CACNA1E: variants seen among roughly 807,000 people sequenced by gnomAD.
The protein encoded by CACNA1E is calcium voltage-gated channel subunit alpha1 E, also known as voltage-dependent R-type calcium channel subunit alpha-1E.
In CACNA1E, 40 loss-of-function variants were observed where a neutral mutation model predicts 259.2. That is an observed-to-expected ratio of 0.15 (90% confidence interval 0.12 to 0.20). The LOEUF (loss-of-function observed/expected upper bound fraction) is 0.20, where lower values mean the gene tolerates loss of function less well. Among genes scored for constraint, CACNA1E ranks in the 10% least tolerant of loss-of-function variants. CACNA1E has a pLI of 1.00. For missense variants in CACNA1E, 1,874 were observed against 3,040.1 expected, an observed-to-expected ratio of 0.62 and a Z score of 9.02; for synonymous variants, 1,104 against 1,138.5, an observed-to-expected ratio of 0.97 and a Z score of 0.61.
chr1:181,331,801 C>T (rs531574870), intron 1 of CACNA1E, among the ~76,000 whole-genome samples: 3 of 152,256 alleles, frequency 2.0e-5, no homozygotes, highest in African/African-American at 7.2e-5. Context: ...CTGCATGTGG[C>T]TAGCCAGTTC....
chr1:181,426,287 C>T (rs1571843302), intron 2 of CACNA1E, among the ~76,000 whole-genome samples: 1 of 151,896 alleles, frequency 6.6e-6, no homozygotes, highest in Admixed American at 6.6e-5. Flanking sequence ...AGCCACTATC[C>T]GTCTCAAGCC....
At chr1:181,710,505 T>G (rs1653240623) in intron 7 of CACNA1E, among the ~76,000 whole-genome samples, 1 of 152,140 alleles carries the variant, frequency 6.6e-6, no homozygotes, top group Non-Finnish European at 1.5e-5. Flanking sequence ...GAGGATGAAA[T>G]GAGTTAATGG....
chr1:181,773,631 G>A (rs199931), intron 37 of CACNA1E, among the ~76,000 whole-genome samples: 1 of 152,024 alleles, frequency 6.6e-6, no homozygotes, highest in African/African-American at 2.4e-5. Context: ...GCCATTGTGA[G>A]GTTCACTCTC....
At chr1:181,651,479 G>C (rs372780939) in intron 7 of CACNA1E, 38 bp downstream of exon 7, 6 of 1,413,996 alleles carry the variant, frequency 4.2e-6, no homozygotes, top group Non-Finnish European at 6.0e-6. Context: ...CTCATTTGCT[G>C]ACTGCTAACT....
intron 7 of CACNA1E, among the ~76,000 whole-genome samples, chr1:181,655,763 C>T (rs1659157612): frequency 1.3e-5 from 2 of 152,118 alleles, no homozygotes; most frequent in South Asian, 4.2e-4. Flanking sequence ...AGTAGGGTGA[C>T]AGAGGCCTCT....
intron 1 of CACNA1E, among the ~76,000 whole-genome samples, chr1:181,329,957 G>A (rs143825680): frequency 1.7e-3 from 257 of 152,322 alleles, no homozygotes; most frequent in African/African-American, 5.8e-3. Context: ...AGGGAGTGGA[G>A]GGGAGTAGGG....
At chr1:181,774,238 C>CG (rs1352656937) in intron 37 of CACNA1E, among the ~76,000 whole-genome samples, 7 of 152,230 alleles carry the variant, frequency 4.6e-5, no homozygotes, top group Non-Finnish European at 1.0e-4. Context: ...TTTTCATTGA[C>CG]ATTAATAATA....
chr1:181,526,710 A>G (rs1019575195), intron 3 of CACNA1E, among the ~76,000 whole-genome samples: 4 of 152,228 alleles, frequency 2.6e-5, no homozygotes, highest in Non-Finnish European at 4.4e-5. Flanking sequence ...CTCTGGCATG[A>G]CATAGTTCTG....
At chr1:181,767,476 C>T (rs552175544) in intron 35 of CACNA1E, among the ~76,000 whole-genome samples, 16 of 152,230 alleles carry the variant, frequency 1.1e-4, no homozygotes, top group African/African-American at 3.9e-4. Context: ...GTGACAGCCT[C>T]CTGCAGTCAG....
chr1:181,720,897 C>G lies in CACNA1E; in HGVS notation c.1956+42C>G, dbSNP rs768907568. 3 of 1,223,900 alleles carry G rather than the reference C, an allele frequency of 2.5e-6. No homozygotes were observed. The East Asian group carries it at 7.0e-5, about 29-fold the overall frequency. The allele number at this position is 1,223,900 out of a possible 1,614,324, so 75.8% of individuals were successfully genotyped here. A position where few individuals can be genotyped will look rare whatever the true frequency, so the allele number is the denominator to read the frequency against. On this transcript the variant is annotated intron_variant, in intron 15 of 47. Transcript: ENST00000367573. ...CGGTTCACAAGTGCTGCATGGGGTC[C>G]CTTGGACTGCACACTGCAAGACAAG...
intron 7 of CACNA1E, among the ~76,000 whole-genome samples, chr1:181,671,929 T>A (rs949773772): frequency 3.9e-5 from 6 of 152,202 alleles, no homozygotes; most frequent in Non-Finnish European, 7.3e-5. Flanking sequence ...TAAAGACACA[T>A]GCATGTGAAT....
At chr1:181,461,340 G>C (rs1324487086) in intron 2 of CACNA1E, among the ~76,000 whole-genome samples, 24 of 151,488 alleles carry the variant, frequency 1.6e-4, no homozygotes, top group African/African-American at 5.4e-4. Flanking sequence ...AGGAGATCGA[G>C]ACCATCCTGG....
intron 3 of CACNA1E, among the ~76,000 whole-genome samples, chr1:181,539,488 T>C (rs1270660582): frequency 6.6e-6 from 1 of 152,156 alleles, no homozygotes; most frequent in Admixed American, 6.5e-5. Context: ...AATGAAGAAA[T>C]GGAAGGTTGA....
In CACNA1E at chr1:181,758,230, A is replaced by C. The variant is rs963131002; in HGVS notation, c.4494+119A>C. 21 of 938,682 alleles carry C rather than the reference A, an allele frequency of 2.2e-5. No individual in the cohort carries two copies. Among genetic ancestry groups the C allele is most frequent in the African/African-American group, 3.3e-5 (2 of 61,154 alleles). The allele number at this position is 938,682 out of a possible 1,614,324, so 58.1% of individuals were successfully genotyped here. A position where few individuals can be genotyped will look rare whatever the true frequency, so the allele number is the denominator to read the frequency against. On this transcript the variant is annotated intron_variant, in intron 31 of 47. Transcript: ENST00000367573. This position sits in a 1 kb window ranked among gnomAD's most constrained non-coding sequence, Gnocchi z 4.2. Reference sequence around the variant, plus strand: ...TGCTTTACCTACTTTTCCATCATTGAATCCTTTTGTGATCTTATTTTGTTC... The same window carrying C: ...TGCTTTACCTACTTTTCCATCATTGCATCCTTTTGTGATCTTATTTTGTTC...
chr1:181,698,569 G>C (rs977455392), intron 7 of CACNA1E, among the ~76,000 whole-genome samples: 9 of 152,086 alleles, frequency 5.9e-5, no homozygotes, highest in Non-Finnish European at 1.2e-4. Flanking sequence ...AATACCACAG[G>C]TTTAATCGTC....
At chr1:181,458,342 T>C (rs1049684616) in intron 2 of CACNA1E, among the ~76,000 whole-genome samples, 2 of 152,218 alleles carry the variant, frequency 1.3e-5, no homozygotes, top group Non-Finnish European at 2.9e-5. Flanking sequence ...TTCCCACAGT[T>C]TCCTATGCCC....
chr1:181,642,366 C>T (rs1435756782), intron 6 of CACNA1E, among the ~76,000 whole-genome samples: 3 of 152,084 alleles, frequency 2.0e-5, no homozygotes, highest in Middle Eastern at 6.8e-3. Context: ...TAAATGATGG[C>T]GACCAGAAGG....
intron 6 of CACNA1E, among the ~76,000 whole-genome samples, chr1:181,596,635 AG>A (rs1446292678): frequency 6.6e-6 from 1 of 151,068 alleles, no homozygotes; most frequent in Non-Finnish European, 1.5e-5. Context: ...CTGCAGGCCC[AG>A]GGAGCTCTTT....
intron 1 of CACNA1E, among the ~76,000 whole-genome samples, chr1:181,410,174 T>C (rs1335849085): frequency 6.6e-6 from 1 of 151,976 alleles, no homozygotes; most frequent in Admixed American, 6.6e-5. Flanking sequence ...TTAAACATCG[T>C]AGGAATGAAG....
Sources: allele counts gnomAD v4.1 joint callset (sites outside exome capture counted in the v4.1 genomes callset), GRCh38; gene constraint gnomAD v4.1.1; non-coding constraint Gnocchi (gnomAD v3.1); transcripts MANE v1.5; gene names NCBI Gene and HGNC (gene_info 2026-07-23, HGNC 2026-07-21).